The following TTC38 variants were observed in gnomAD, a reference collection of about 807,000 sequenced individuals.
TTC38 encodes tetratricopeptide repeat protein 38.
A neutral mutation model predicts 64.2 loss-of-function variants in TTC38; 64 were observed. That is an observed-to-expected ratio of 1.00 (90% confidence interval 0.81 to 1.23). TTC38 has a LOEUF of 1.23. TTC38 is among the 50% of genes most tolerant of loss of function. The probability of loss-of-function intolerance (pLI) is 0.00; values close to 1 mark genes in which losing one functional copy is unlikely to be tolerated. For synonymous variants in TTC38, 254 were observed against 249.3 expected, an observed-to-expected ratio of 1.02 and a Z score of -0.18; for missense variants, 573 against 615.5, an observed-to-expected ratio of 0.93 and a Z score of 0.73.
At chr22:46,285,218 T>A in intron 8 of TTC38, 23 bp from the exon 9 acceptor site, 2 of 1,612,934 alleles carry the variant, frequency 1.2e-6, no homozygotes, top group African/African-American at 2.7e-5. Flanking sequence ...CAGGGTTTAA[T>A]AAGGAGAACT....
rs1451652649 is a variant in TTC38, at chr22:46,276,542, A to T, written c.539+1121A>T. 2.0e-5 allele frequency among the ~76,000 whole-genome samples: 3 copies of T among 151,594 alleles called. No individual in the cohort carries two copies. Among genetic ancestry groups the T allele is most frequent in the Non-Finnish European group, 2.9e-5 (2 of 67,956 alleles). On this transcript the variant is annotated intron_variant, in intron 5 of 13. Coordinates refer to ENST00000381031, the MANE Select transcript of TTC38 (RefSeq NM_017931.4). The surrounding 1 kb of genome is among the most constrained non-coding windows in gnomAD (Gnocchi z 4.7). ...TCTCTACAAAAAGAAAAAATAAATT[A>T]AAAAAGTTAGCCAGGCATGGTGGCA... is the stretch of plus-strand genomic sequence containing the variant.
chr22:46,278,687 T>G, intron 6 of TTC38, 26 bp downstream of exon 6: 1 of 1,595,618 alleles, frequency 6.3e-7, no homozygotes, highest in South Asian at 1.1e-5. Context: ...CTAAGGTGCC[T>G]GACCCCTCAG....
intron 2 of TTC38, chr22:46,268,935 C>T (rs1936828291): frequency 2.1e-5 from 7 of 341,408 alleles, no homozygotes; most frequent in South Asian, 4.5e-5. Flanking sequence ...GATCCGCCCG[C>T]CTCGGCCTCC....
rs2077491773 is a variant in TTC38 at position 46,276,800 on chromosome 22, TTATA to T, written c.539+1383_539+1386del. ...TATATATTAAAATATATATTAAAAA[TTATA>T]TATTAAAATATATATATTAAATATA... is the stretch of plus-strand genomic sequence containing the variant. On this transcript the variant is annotated intron_variant, in intron 5 of 13. Transcript: ENST00000381031. This position sits in a 1 kb window ranked among gnomAD's most constrained non-coding sequence, Gnocchi z 4.7. Among the ~76,000 whole-genome samples, 1 of 129,594 alleles carries T rather than the reference TTATA, an allele frequency of 7.7e-6. No individual in the cohort carries two copies. Among genetic ancestry groups the T allele is most frequent in the African/African-American group, 3.6e-5 (1 of 27,524 alleles). The allele number at this position is 129,594 out of a possible 152,430, so 85.0% of individuals were successfully genotyped here. A position where few individuals can be genotyped will look rare whatever the true frequency, so the allele number is the denominator to read the frequency against.
chr22:46,286,931 G>C, intron 9 of TTC38, 142 bp from the exon 10 acceptor site: 1 of 610,454 alleles, frequency 1.6e-6, no homozygotes, highest in South Asian at 2.0e-5. Flanking sequence ...TGATGGGCCT[G>C]TCAGTTGAGG....
intron 11 of TTC38, 45 bp downstream of exon 11, chr22:46,288,633 AG>A (rs1355072849): frequency 6.3e-7 from 1 of 1,587,008 alleles, no homozygotes; most frequent in Non-Finnish European, 8.6e-7. Context: ...CACCCTGCCG[AG>A]AGGGTGAGGG....
rs890882195 is a variant in TTC38 at position 46,282,648 on chromosome 22, G to C, written c.735+930G>C. 1.3e-5 allele frequency among the ~76,000 whole-genome samples: 2 copies of C among 152,308 alleles called. No individual in the cohort carries two copies. On this transcript the variant is annotated intron_variant, in intron 7 of 13. Coordinates refer to ENST00000381031, the MANE Select transcript of TTC38 (RefSeq NM_017931.4). This position sits in a 1 kb window ranked among gnomAD's most constrained non-coding sequence, Gnocchi z 4.4. ...GGCCTCCAGATTCGGCTCTGTCAAG[G>C]GGGCAGTGGTCAGGTTCCCTTCTCA...
rs934721006 is a variant in TTC38 at position 46,289,272 on chromosome 22, A to T, written c.1083-130A>T. 5.0e-6 allele frequency: 6 copies of T among 1,196,586 alleles called. No homozygotes were observed. The African/African-American group carries it at 9.0e-5, about 18-fold the overall frequency. 74.1% of individuals were successfully genotyped at this position (1,196,586 alleles called of 1,614,324 possible). On this transcript the variant is annotated intron_variant, in intron 11 of 13. Coordinates refer to ENST00000381031, the MANE Select transcript of TTC38 (RefSeq NM_017931.4). ...CCCTCGATGGGCTGCCCCGCCTGTCACCTCACCTCATCAGTGTGGCATGTG... is the reference window on the plus strand; with the variant it reads ...CCCTCGATGGGCTGCCCCGCCTGTCTCCTCACCTCATCAGTGTGGCATGTG...
rs181580044 is a variant in TTC38 at position 46,268,318 on chromosome 22, C to T, written c.34-196C>T. On this transcript the variant is annotated intron_variant, in intron 1 of 13. Transcript: ENST00000381031. The stretch of plus-strand genomic sequence containing the variant: ...CCCCAAGACCTCCTAAAAAACGTAG[C>T]TCACTGGGCATGGCTGGGGACGCAG... Among the ~76,000 whole-genome samples the T allele has an allele frequency of 2.3e-3, 344 of 152,368 alleles. 1 individual carries two copies. The highest frequency in any genetic ancestry group is 7.9e-3 in the African/African-American group (329 of 41,586).
chr22:46,289,760 G>A (rs1288203696), intron 12 of TTC38, 66 bp from the exon 13 acceptor site: 11 of 1,565,652 alleles, frequency 7.0e-6, no homozygotes, highest in African/African-American at 1.4e-5. Context: ...GCAGCCCGCG[G>A]TGGGCGGGGG....
intron 13 of TTC38, among the ~76,000 whole-genome samples, chr22:46,290,345 G>A (rs1303756943): frequency 1.3e-5 from 2 of 152,230 alleles, no homozygotes; most frequent in African/African-American, 4.8e-5. Context: ...GAGCCCATCT[G>A]TAGTCGGGGG....
chr22:46,268,045 C>G lies in TTC38; in HGVS notation c.6C>G (p.Ala2=). The change falls in exon 1 of 14, where the codon GCC becomes GCG. Residue 2 remains alanine (A), a synonymous_variant. Coordinates refer to ENST00000381031, the MANE Select transcript of TTC38 (RefSeq NM_017931.4). M[A]AASPLRDCQA... ...GGACTCCGACCCGGCGCAACATGGC[C>G]GCAGCCTCGCCTCTGCGCGACTGCC... 6.5e-7 allele frequency: 1 copy of G among 1,542,470 alleles called. No individual in the cohort carries two copies. The highest frequency in any genetic ancestry group is 8.7e-7 in the Non-Finnish European group (1 of 1,150,628).
intron 2 of TTC38, 126 bp downstream of exon 2, chr22:46,268,717 C>T: frequency 1.1e-6 from 1 of 935,132 alleles, no homozygotes; most frequent in Non-Finnish European, 1.6e-6. Flanking sequence ...CGGAGTCTCG[C>T]TCTGTCGCCC....
At chr22:46,288,052 A>G (rs988251475) in intron 10 of TTC38, among the ~76,000 whole-genome samples, 1 of 152,050 alleles carries the variant, frequency 6.6e-6, no homozygotes, top group Admixed American at 6.6e-5. Context: ...AGACCCAGAG[A>G]AAAGTGGGGA....
chr22:46,284,069 A>G, intron 8 of TTC38, 37 bp downstream of exon 8: 2 of 1,548,992 alleles, frequency 1.3e-6, no homozygotes, highest in Non-Finnish European at 1.8e-6. Context: ...CTTATCCTAT[A>G]AAGATGTCTA....
At chr22:46,268,423 G>GGA in intron 1 of TTC38, 91 bp from the exon 2 acceptor site, 2 of 1,345,820 alleles carry the variant, frequency 1.5e-6, no homozygotes, top group African/African-American at 2.9e-5. Flanking sequence ...TGAGGAAGGT[G>GGA]GAGGTCAGAG....
Position 46,287,170 on chromosome 22 carries a change from G to T in TTC38, c.916+16G>T. The T allele has an allele frequency of 2.5e-6, 4 of 1,590,732 alleles. No homozygotes were observed. The South Asian group carries it at 4.5e-5, about 18-fold the overall frequency. ...CAGATGGAAGGTAGCCATCCCTGCA[G>T]CCCCACTGGCTTCTGCCTCTTCCTC... On this transcript the variant is annotated intron_variant, in intron 10 of 13. Transcript: ENST00000381031.
In TTC38 at chr22:46,268,534, C is replaced by G. The variant is rs9627359; in HGVS notation, c.54C>G (p.Leu18=). 91,134 of 1,613,914 alleles carry G rather than the reference C, an allele frequency of 0.056. 8,134 individuals carry two copies. The highest frequency in any genetic ancestry group is 0.42 in the African/African-American group (31,409 of 74,980). ...TGTAGGCCTGGAAGGATGCGAGGCT[C>G]CCGCTCTCCACCACAAGCAACGAAG... ...RDCQAWKDAR[L]PLSTTSNEAC... Residue 18 remains leucine, a synonymous_variant, in exon 2 of 14, where the codon CTC becomes CTG. Transcript: ENST00000381031.
At chr22:46,278,467 A>G in intron 5 of TTC38, 119 bp from the exon 6 acceptor site, 1 of 827,418 alleles carries the variant, frequency 1.2e-6, no homozygotes, top group South Asian at 1.4e-5. Flanking sequence ...CCCTATTTCC[A>G]AAAAAGGTCA....
Sources: allele counts gnomAD v4.1 joint callset (sites outside exome capture counted in the v4.1 genomes callset), GRCh38; gene constraint gnomAD v4.1.1; non-coding constraint Gnocchi (gnomAD v3.1); transcripts MANE v1.5; gene names NCBI Gene and HGNC (gene_info 2026-07-23, HGNC 2026-07-21).